FGF14: variants seen among roughly 807,000 people sequenced by gnomAD.
FGF14 encodes fibroblast growth factor 14, also known as fibroblast growth factor homologous factor 4.
In FGF14, 5 loss-of-function variants were observed where a neutral mutation model predicts 25.5. The ratio of observed to expected loss-of-function variants is 0.20; its 90% confidence interval spans 0.10 to 0.41. The LOEUF is 0.41. Among genes scored for constraint, FGF14 ranks in the 10% least tolerant of loss-of-function variants. FGF14 has a pLI of 1.00. For synonymous variants in FGF14, 138 were observed against 118.3 expected (o/e 1.17, Z -1.08); for missense variants, 222 against 320.1 (o/e 0.69, Z 2.34).
chr13:101,831,025 C>T (rs1000959427), intron 3 of FGF14, among the ~76,000 whole-genome samples: 7 of 152,078 alleles, frequency 4.6e-5, no homozygotes, highest in African/African-American at 1.7e-4. Flanking sequence ...CTAATCTCAT[C>T]TCAAGGTCGT....
At chr13:101,819,782 G>A (rs1342346500) in intron 3 of FGF14, among the ~76,000 whole-genome samples, 7 of 152,150 alleles carry the variant, frequency 4.6e-5, no homozygotes, top group Admixed American at 3.3e-4. Context: ...CATGTCTTAT[G>A]ATAAGAGAGA....
intron 1 of FGF14, among the ~76,000 whole-genome samples, chr13:102,125,979 C>T (rs2140386088): frequency 6.6e-6 from 1 of 152,244 alleles, no homozygotes; most frequent in Admixed American, 6.5e-5. Context: ...ATTTACTTCT[C>T]ACCCAAACCA....
chr13:102,154,137 C>A (rs1166835180), intron 1 of FGF14, among the ~76,000 whole-genome samples: 1 of 151,866 alleles, frequency 6.6e-6, no homozygotes, highest in Non-Finnish European at 1.5e-5. Flanking sequence ...CAAGGCAGGC[C>A]AACATTCAAA....
chr13:102,189,105 GAGAGAT>G lies in FGF14; in HGVS notation c.208+212360_208+212365del, dbSNP rs1412765459. 1.5e-4 allele frequency among the ~76,000 whole-genome samples: 23 copies of G among 150,364 alleles called. 2 individuals are homozygous for G. The highest frequency in any genetic ancestry group is 3.2e-4 in the African/African-American group (13 of 40,522). On this transcript the variant is annotated intron_variant, in intron 1 of 4. Transcript: ENST00000376131. ...AAGAGAAAGAGAGAAAGGAGGGAGA[GAGAGAT>G]AGAGAGAGAGAGAGAACAGAGACAA...
intron 1 of FGF14, among the ~76,000 whole-genome samples, chr13:102,250,738 G>A (rs2052126213): frequency 6.6e-6 from 1 of 152,178 alleles, no homozygotes. Context: ...GATAAACTAA[G>A]ATTAATATTT....
chr13:102,207,624 T>TAAA lies in FGF14; in HGVS notation c.208+193844_208+193846dup, dbSNP rs35568335. ...TTGAGAAAAAAGGGTCAGTTTTCAT[T>TAAA]AAAAAAAAAAAAAAAAAAAAAAGAC... On this transcript the variant is annotated intron_variant, in intron 1 of 4. Coordinates refer to the FGF14 transcript ENST00000376131. 2.5e-3 allele frequency among the ~76,000 whole-genome samples: 230 copies of TAAA among 92,420 alleles called. 3 individuals carry two copies. The highest frequency in any genetic ancestry group is 8.2e-3 in the African/African-American group (185 of 22,664). 60.6% of individuals were successfully genotyped at this position (92,420 alleles called of 152,430 possible). A position where few individuals can be genotyped will look rare whatever the true frequency, so the allele number is the denominator to read the frequency against.
rs558694053 is a variant in FGF14 at position 101,726,751 on chromosome 13, G to A, written c.468C>T (p.Ile156=). Residue 156 remains isoleucine, a synonymous_variant, in exon 4 of 5, where the codon ATC becomes ATT. Coordinates refer to ENST00000376143, the MANE Select transcript of FGF14 (RefSeq NM_004115.4). ...GTTGTCTGTACAACATGGATGAGTA[G>A]ATTACATAATAATTTTCAAAAACAG... ...KESVFENYYV[I]YSSMLYRQQE... The A allele has an allele frequency of 2.4e-4, 390 of 1,612,874 alleles. 9 individuals carry two copies. In the South Asian group the frequency reaches 3.7e-3, roughly 15 times the overall value.
intron 1 of FGF14, among the ~76,000 whole-genome samples, chr13:101,964,354 T>C (rs938394158): frequency 1.3e-5 from 2 of 152,356 alleles, no homozygotes; most frequent in Admixed American, 6.5e-5. Context: ...GGATACGAAA[T>C]GCAAACAGGT....
chr13:102,069,009 T>G (rs1002191691), intron 1 of FGF14, among the ~76,000 whole-genome samples: 8 of 152,184 alleles, frequency 5.3e-5, no homozygotes, highest in Non-Finnish European at 8.8e-5. Context: ...CACCCTGTGT[T>G]TAGCTCAAGG....
At chr13:102,276,353 G>GTGTACA (rs1269490387) in intron 1 of FGF14, among the ~76,000 whole-genome samples, 1 of 103,296 alleles carries the variant, frequency 9.7e-6, no homozygotes, top group Non-Finnish European at 1.9e-5. Context: ...GTGTGTGTGT[G>GTGTACA]TATATATATA....
At chr13:102,209,691 T>C (rs2050083565) in intron 1 of FGF14, among the ~76,000 whole-genome samples, 1 of 152,162 alleles carries the variant, frequency 6.6e-6, no homozygotes, top group Admixed American at 6.5e-5. Flanking sequence ...ATAGTATCCC[T>C]ACAAAGGGGA....
At chr13:101,923,853 C>A (rs2034178341) in intron 1 of FGF14, among the ~76,000 whole-genome samples, 3 of 152,080 alleles carry the variant, frequency 2.0e-5, no homozygotes, top group Admixed American at 2.0e-4. Context: ...TGTGAACATT[C>A]TTTCCTATAG....
intron 3 of FGF14, among the ~76,000 whole-genome samples, chr13:101,839,835 G>A (rs1339445360): frequency 6.6e-6 from 1 of 151,934 alleles, no homozygotes; most frequent in East Asian, 1.9e-4. Flanking sequence ...TCTATGCTTT[G>A]AAAACCAAAT....
chr13:101,757,237 T>C (rs922310085), intron 3 of FGF14, among the ~76,000 whole-genome samples: 1 of 152,210 alleles, frequency 6.6e-6, no homozygotes. Flanking sequence ...TAAATCACCA[T>C]ATAAAACTTA....
chr13:102,152,966 C>T (rs1230482229), intron 1 of FGF14, among the ~76,000 whole-genome samples: 2 of 152,146 alleles, frequency 1.3e-5, no homozygotes, highest in Admixed American at 6.6e-5. Flanking sequence ...CCTCCTACAC[C>T]GTGGCAGGCC....
At chr13:101,788,872 CTATATATA>C (rs56084859) in intron 3 of FGF14, among the ~76,000 whole-genome samples, 839 of 26,248 alleles carry the variant, frequency 0.032, 25 homozygotes, top group East Asian at 0.036. Flanking sequence ...CCTTTTTTGA[CTATATATA>C]TATATATATA....
At chr13:101,771,621 T>C (rs748738582) in intron 3 of FGF14, among the ~76,000 whole-genome samples, 2 of 152,088 alleles carry the variant, frequency 1.3e-5, no homozygotes, top group African/African-American at 2.4e-5. Context: ...TGTTGTAATA[T>C]TGAATATTAA....
intron 1 of FGF14, among the ~76,000 whole-genome samples, chr13:102,166,560 T>C (rs2048022167): frequency 6.6e-6 from 1 of 152,118 alleles, no homozygotes; most frequent in African/African-American, 2.4e-5. Flanking sequence ...TTTGAGTTTT[T>C]GGAGTTGGTG....
chr13:102,360,774 C>T (rs1464345932), intron 1 of FGF14, among the ~76,000 whole-genome samples: 1 of 152,112 alleles, frequency 6.6e-6, no homozygotes, highest in Non-Finnish European at 1.5e-5. Flanking sequence ...CTTTTACCCT[C>T]AGTCAAAATA....
Sources: gnomAD v4.1 joint callset for allele counts (sites outside exome capture counted in the v4.1 genomes callset) on GRCh38, gnomAD v4.1.1 for gene constraint, MANE v1.5 for transcripts, NCBI Gene and HGNC (gene_info 2026-07-23, HGNC 2026-07-21) for gene names.